Variants in ARHGEF10 observed in about 807,000 individuals in gnomAD.
ARHGEF10 encodes Rho guanine nucleotide exchange factor 10.
ARHGEF10 carries 140 observed loss-of-function variants against 147.4 expected under a neutral mutation model. The ratio of observed to expected loss-of-function variants is 0.95; its 90% CI spans 0.83 to 1.09. ARHGEF10 has a LOEUF of 1.09. Among genes scored for constraint, ARHGEF10 ranks in the 50% least tolerant of loss-of-function variants. The pLI is 0.00. For missense variants in ARHGEF10, 2,222 were observed against 1,752.7 expected (o/e 1.27, Z -4.78); for synonymous variants, 902 against 695.8 (o/e 1.30, Z -4.67).
Position 1,845,870 on chromosome 8 carries a change from G to T in ARHGEF10, c.37+2434G>T, listed in dbSNP as rs561612125. Among the ~76,000 whole-genome samples the T allele has an allele frequency of 5.3e-5, 8 of 152,306 alleles. No homozygotes were observed. The South Asian group carries it at 1.7e-3, about 32-fold the overall frequency. On this transcript the variant is annotated intron_variant, in intron 2 of 28. Coordinates refer to ENST00000349830, the MANE Select transcript of ARHGEF10 (RefSeq NM_014629.4). ...TGTGGCCTCTGATGGAGGCAGGACT[G>T]GGGGTGCCCAGGGTTCCCTGCAGCA...
Position 1,858,067 on chromosome 8 carries a change from G to C in ARHGEF10, c.145G>C (p.Ala49Pro), listed in dbSNP as rs559084209. The change falls in exon 3 of 29, where the codon GCC (alanine) becomes CCC (proline). Residue 49 changes from alanine (A) to proline (P), a missense_variant. Transcript: ENST00000349830. Reference protein sequence around the residue: ...IPEADRQAPSAPETGGAGASE... With the variant: ...IPEADRQAPSPPETGGAGASE... ...AGAAGCGGACAGACAGGCCCCATCC[G>C]CCCCTGAGACAGGAGGTGCTGGAGC... 35 of 1,614,048 alleles carry C rather than the reference G, an allele frequency of 2.2e-5. No individual in the cohort carries two copies. The South Asian group carries it at 2.9e-4, about 13-fold the overall frequency.
chr8:1,908,341 C>T (rs1391112653), intron 17 of ARHGEF10, among the ~76,000 whole-genome samples: 1 of 150,904 alleles, frequency 6.6e-6, no homozygotes, highest in Non-Finnish European at 1.5e-5. Flanking sequence ...CGCCATTCTC[C>T]TGCCTCAGCC....
intron 27 of ARHGEF10, among the ~76,000 whole-genome samples, chr8:1,949,675 A>G (rs908875630): frequency 6.6e-6 from 1 of 152,206 alleles, no homozygotes; most frequent in African/African-American, 2.4e-5. Flanking sequence ...TTAGAAAAAA[A>G]AAGACAAAAA....
rs368413724 is a variant in ARHGEF10 at position 1,957,098 on chromosome 8, G to A, written c.3870G>A (p.Ser1290=). 1.7e-5 allele frequency: 28 copies of A among 1,613,204 alleles called. No homozygotes were observed. The highest frequency in any genetic ancestry group is 6.7e-5 in the Admixed American group (4 of 60,008). ...TIYDLLKDPV[S]LRSKARRAKK... ...ATGATCTCCTGAAGGATCCTGTCTC[G>A]CTGAGAAGCAAAGCACGCCGGGCCA... The change falls in exon 29 of 29, where the codon TCG becomes TCA. Residue 1290 remains serine, a synonymous_variant. Coordinates refer to ENST00000349830, the MANE Select transcript of ARHGEF10 (RefSeq NM_014629.4).
intron 17 of ARHGEF10, among the ~76,000 whole-genome samples, chr8:1,906,014 G>C (rs1207898374): frequency 6.6e-6 from 1 of 152,076 alleles, no homozygotes; most frequent in Non-Finnish European, 1.5e-5. Context: ...TAAATCAAGA[G>C]TTCTTTTTCT....
chr8:1,914,729 C>CGT (rs754921630), intron 18 of ARHGEF10, among the ~76,000 whole-genome samples: 42 of 151,934 alleles, frequency 2.8e-4, no homozygotes, highest in African/African-American at 9.4e-4. Context: ...TAAAACAGCA[C>CGT]GTGTGTGTGT....
intron 18 of ARHGEF10, among the ~76,000 whole-genome samples, chr8:1,920,277 T>A (rs1042634483): frequency 2.0e-5 from 3 of 152,260 alleles, no homozygotes; most frequent in Admixed American, 1.3e-4. Context: ...TTAAAAGAAG[T>A]CAACTAATTA....
chr8:1,879,194 G>C (rs984337969), intron 8 of ARHGEF10, among the ~76,000 whole-genome samples: 1 of 152,154 alleles, frequency 6.6e-6, no homozygotes, highest in Non-Finnish European at 1.5e-5. Context: ...CCTCAGCCAC[G>C]TGCATCTGAA....
At position 1,957,804 on chromosome 8, in the gene ARHGEF10, G is replaced by A. The variant is rs1263007926; in HGVS notation, c.*541G>A. On this transcript the variant is annotated 3_prime_UTR_variant, in exon 29 of 29. Transcript: ENST00000349830. ...TAACACCTACCAGTCCAGTTAGCAT[G>A]ATTTGCTTTCAGAAGTGAGCTGGGT... 6.3e-6 allele frequency: 1 copy of A among 157,502 alleles called. No homozygotes were observed. The highest frequency in any genetic ancestry group is 2.4e-5 in the African/African-American group (1 of 41,484). 9.8% of individuals were successfully genotyped at this position (157,502 alleles called of 1,614,324 possible).
chr8:1,935,409 C>T (rs1462819824), intron 26 of ARHGEF10, among the ~76,000 whole-genome samples: 2 of 152,216 alleles, frequency 1.3e-5, no homozygotes, highest in Non-Finnish European at 2.9e-5. Context: ...CAGCATCGCG[C>T]AGAGTGGGTT....
Position 1,926,386 on chromosome 8 carries a change from G to A in ARHGEF10, c.2620G>A (p.Ala874Thr). 6.2e-7 allele frequency: 1 copy of A among 1,613,828 alleles called. No individual in the cohort carries two copies. Among genetic ancestry groups the A allele is most frequent in the African/African-American group, 1.3e-5 (1 of 75,042 alleles). ...TTTTATTCCATTTTAGATTGAATGTGCTGCTTATAACCCTGAACCTTACCT... is the reference window on the plus strand; with the variant it reads ...TTTTATTCCATTTTAGATTGAATGTACTGCTTATAACCCTGAACCTTACCT... ...AKQQEFKIEC[A>T]AYNPEPYLNN... Residue 874 changes from alanine to threonine, a missense_variant, in exon 23 of 29, where the codon GCT (alanine) becomes ACT (threonine). Physicochemically the swap from Ala to Thr is moderately conservative, Grantham distance 58. Coordinates refer to ENST00000349830, the MANE Select transcript of ARHGEF10 (RefSeq NM_014629.4).
At chr8:1,926,235 C>G (rs1812681238) in intron 22 of ARHGEF10, 142 bp from the exon 23 acceptor site, 1 of 746,574 alleles carries the variant, frequency 1.3e-6, no homozygotes, top group African/African-American at 1.8e-5. Flanking sequence ...TTCATCCTCC[C>G]TATTTTAATC....
At chr8:1,829,340 G>C (rs1481976598) in intron 1 of ARHGEF10, among the ~76,000 whole-genome samples, 1 of 152,258 alleles carries the variant, frequency 6.6e-6, no homozygotes, top group Non-Finnish European at 1.5e-5. Flanking sequence ...CGGGGTCAGC[G>C]GCATGGAACC....
intron 15 of ARHGEF10, among the ~76,000 whole-genome samples, chr8:1,901,988 T>TA (rs1720199085): frequency 7.3e-5 from 1 of 13,606 alleles, no homozygotes; most frequent in Non-Finnish European, 1.7e-4. Context: ...CAGAACCACA[T>TA]TTTTTTTTCT....
intron 18 of ARHGEF10, among the ~76,000 whole-genome samples, chr8:1,911,256 A>C (rs1667518089): frequency 6.6e-6 from 1 of 152,000 alleles, no homozygotes; most frequent in Non-Finnish European, 1.5e-5. Context: ...ACACTTGAAA[A>C]CGTATATGAT....
intron 8 of ARHGEF10, among the ~76,000 whole-genome samples, chr8:1,878,733 A>C (rs945369681): frequency 6.6e-6 from 1 of 152,202 alleles, no homozygotes; most frequent in African/African-American, 2.4e-5. Flanking sequence ...GTAGTAATTC[A>C]GGAGACCCTG....
rs773896868 is a variant in ARHGEF10, at chr8:1,843,313, C to T, written c.-47-40C>T. ...CTACACCTATTGAGTGCATGTTTAT[C>T]CACCTGAACGGTGACAAGCAGTGTC... On this transcript the variant is annotated intron_variant, in intron 1 of 28. Transcript: ENST00000349830. 10 of 1,525,490 alleles carry T rather than the reference C, an allele frequency of 6.6e-6. No individual in the cohort carries two copies. In the South Asian group the frequency reaches 8.0e-5, roughly 12 times the overall value. The allele number at this position is 1,525,490 out of a possible 1,614,324, so 94.5% of individuals were successfully genotyped here.
chr8:1,891,279 G>C (rs1284885869), intron 11 of ARHGEF10, among the ~76,000 whole-genome samples: 1 of 152,138 alleles, frequency 6.6e-6, no homozygotes, highest in African/African-American at 2.4e-5. Flanking sequence ...TTGTCCATGA[G>C]AGTTTTCTCT....
At chr8:1,874,558 A>G (rs1585347992) in intron 7 of ARHGEF10, among the ~76,000 whole-genome samples, 1 of 152,338 alleles carries the variant, frequency 6.6e-6, no homozygotes, top group South Asian at 2.1e-4. Context: ...TAGGGGATGG[A>G]GTTTCCTTAT....
Sources: gnomAD v4.1 joint callset for allele counts (sites outside exome capture counted in the v4.1 genomes callset) on GRCh38, gnomAD v4.1.1 for gene constraint, MANE v1.5 for transcripts, NCBI Gene and HGNC (gene_info 2026-07-23, HGNC 2026-07-21) for gene names.